The following LRRFIP2 variants were observed in gnomAD, a reference collection of about 807,000 sequenced individuals.
The protein encoded by LRRFIP2 is LRR binding FLII interacting protein 2.
LRRFIP2 carries 109 observed loss-of-function variants against 125.9 expected under a neutral mutation model. The observed-to-expected ratio is 0.87, with a 90% confidence interval of 0.74 to 1.01. The LOEUF is 1.01. Ranked by LOEUF, LRRFIP2 falls within the 50% of genes least tolerant of loss-of-function variation. The pLI, the probability that LRRFIP2 is intolerant of heterozygous loss-of-function variation, is 0.00. For synonymous variants in LRRFIP2, 291 were observed against 293.1 expected (o/e 0.99, Z 0.07); for missense variants, 850 against 862.3 (o/e 0.99, Z 0.18).
At chr3:37,138,530 T>C (rs1409746689) in intron 2 of LRRFIP2, among the ~76,000 whole-genome samples, 1 of 152,210 alleles carries the variant, frequency 6.6e-6, no homozygotes, top group Non-Finnish European at 1.5e-5. Flanking sequence ...CTTCAGGATG[T>C]AGGTACTTTA....
chr3:37,121,696 G>C lies in LRRFIP2; in HGVS notation c.229-5C>G. ...CCTGGCCCTTTCCGAATCTTCCTGG[G>C]AAAGGAGAAAGTACATGGAGAGTTA... On this transcript the variant is annotated splice_region_variant and splice_polypyrimidine_tract_variant and intron_variant, in intron 4 of 27. Coordinates refer to ENST00000336686, the MANE Select transcript of LRRFIP2 (RefSeq NM_006309.4). 1 of 1,613,850 alleles carries C rather than the reference G, an allele frequency of 6.2e-7. No homozygotes were observed. Among genetic ancestry groups the C allele is most frequent in the Non-Finnish European group, 8.5e-7 (1 of 1,179,794 alleles).
intron 2 of LRRFIP2, among the ~76,000 whole-genome samples, chr3:37,133,492 T>C (rs1015117042): frequency 1.3e-5 from 2 of 152,218 alleles, no homozygotes; most frequent in African/African-American, 4.8e-5. Flanking sequence ...TGATACATGC[T>C]GCAACATGGA....
chr3:37,165,351 C>T (rs1027095234), intron 1 of LRRFIP2, among the ~76,000 whole-genome samples: 1 of 151,378 alleles, frequency 6.6e-6, no homozygotes, highest in East Asian at 1.9e-4. Flanking sequence ...GGTTTCATCC[C>T]GAAACCAACC....
intron 2 of LRRFIP2, among the ~76,000 whole-genome samples, chr3:37,147,029 A>T (rs2095872951): frequency 6.6e-6 from 1 of 152,086 alleles, no homozygotes; most frequent in Admixed American, 6.5e-5. Flanking sequence ...GAAAAAAAAA[A>T]CTCCATTAAA....
chr3:37,170,180 CA>C (rs1342238794), intron 1 of LRRFIP2, among the ~76,000 whole-genome samples: 1 of 151,922 alleles, frequency 6.6e-6, no homozygotes, highest in Non-Finnish European at 1.5e-5. Context: ...TAATCTAAAG[CA>C]AAAAAGTGGG....
At chr3:37,106,647 A>G (rs2094338659) in intron 13 of LRRFIP2, among the ~76,000 whole-genome samples, 1 of 152,062 alleles carries the variant, frequency 6.6e-6, no homozygotes, top group Admixed American at 6.5e-5. Context: ...CTCTCTAAAT[A>G]AAAATTAAAA....
chr3:37,085,570 C>A (rs2092981703), intron 18 of LRRFIP2, among the ~76,000 whole-genome samples: 1 of 145,816 alleles, frequency 6.9e-6, no homozygotes, highest in Non-Finnish European at 1.5e-5. Flanking sequence ...AAAAAGACTT[C>A]ACTCAAATAT....
intron 4 of LRRFIP2, among the ~76,000 whole-genome samples, chr3:37,127,235 GT>G (rs2095306625): frequency 6.6e-6 from 1 of 152,084 alleles, no homozygotes. Flanking sequence ...ACCTGAAGGA[GT>G]TGATATAATA....
rs1181699690 is a variant in LRRFIP2, at chr3:37,075,057, T to C, written c.1338A>G (p.Lys446=). The C allele has an allele frequency of 1.2e-6, 2 of 1,612,854 alleles. No individual in the cohort carries two copies. Among genetic ancestry groups the C allele is most frequent in the African/African-American group, 2.7e-5 (2 of 74,900 alleles). Residue 446 remains lysine (K), a synonymous_variant, in exon 20 of 28, where the codon AAA becomes AAG. Transcript: ENST00000336686. ...SVLQHKMEEL[K]EGLRQRDELI... is the part of the protein sequence containing the mutation. ...GCTCATCTCTTTGCCGCAGGCCTTC[T>C]TTAAGTTCTTCCATCTTATGCTGCA...
chr3:37,152,684 C>G (rs2096067120), intron 1 of LRRFIP2, among the ~76,000 whole-genome samples: 1 of 152,136 alleles, frequency 6.6e-6, no homozygotes, highest in Admixed American at 6.5e-5. Context: ...CTCAGGTGAT[C>G]CGCCCGCCTC....
intron 2 of LRRFIP2, among the ~76,000 whole-genome samples, chr3:37,138,761 T>C (rs1553784200): frequency 1.3e-5 from 2 of 152,184 alleles, no homozygotes; most frequent in African/African-American, 2.4e-5. Context: ...CTAACACAGA[T>C]TTTTCTTTTC....
intron 18 of LRRFIP2, among the ~76,000 whole-genome samples, chr3:37,084,474 C>T (rs1247249938): frequency 1.3e-5 from 2 of 151,652 alleles, no homozygotes; most frequent in East Asian, 1.9e-4. Flanking sequence ...CAAGCCTGGG[C>T]AACATGACAA....
At chr3:37,138,003 T>G (rs2095600900) in intron 2 of LRRFIP2, among the ~76,000 whole-genome samples, 3 of 152,218 alleles carry the variant, frequency 2.0e-5, no homozygotes, top group Non-Finnish European at 4.4e-5. Context: ...TCTTTGTACT[T>G]TCACTTATAA....
intron 1 of LRRFIP2, among the ~76,000 whole-genome samples, chr3:37,150,411 G>A (rs1194524071): frequency 1.3e-5 from 2 of 151,910 alleles, no homozygotes; most frequent in African/African-American, 2.4e-5. Flanking sequence ...TCAGTGAGCC[G>A]AGGTTGCACC....
intron 25 of LRRFIP2, 67 bp from the exon 26 acceptor site, chr3:37,055,232 T>C: frequency 1.1e-6 from 1 of 936,514 alleles, no homozygotes. Flanking sequence ...CATCAGGCAG[T>C]ACCTCTGTGG....
intron 23 of LRRFIP2, chr3:37,065,118 A>T (rs76553940): frequency 0.012 from 1,611 of 135,148 alleles, 23 homozygotes; most frequent in African/African-American, 0.033. Context: ...GTTTTTTTTT[A>T]AAATAAAAGT....
intron 7 of LRRFIP2, among the ~76,000 whole-genome samples, 176 bp downstream of exon 7, chr3:37,114,878 A>C (rs144229775): frequency 1.9e-3 from 282 of 152,294 alleles, no homozygotes; most frequent in African/African-American, 6.4e-3. Context: ...ATCCTAAAGA[A>C]AAAAATTACT....
chr3:37,095,047 T>C, intron 16 of LRRFIP2, 139 bp from the exon 17 acceptor site: 1 of 637,114 alleles, frequency 1.6e-6, no homozygotes, highest in Admixed American at 2.5e-5. Flanking sequence ...CAATGGTCAA[T>C]TTAGATTGGC....
intron 16 of LRRFIP2, among the ~76,000 whole-genome samples, chr3:37,096,266 T>G (rs1014297159): frequency 3.3e-5 from 5 of 152,130 alleles, no homozygotes; most frequent in Admixed American, 2.0e-4. Context: ...AATTTATATA[T>G]ATAAAAGGAA....
Sources: gnomAD v4.1 joint callset for allele counts (sites outside exome capture counted in the v4.1 genomes callset) on GRCh38, gnomAD v4.1.1 for gene constraint, MANE v1.5 for transcripts, NCBI Gene and HGNC (gene_info 2026-07-23, HGNC 2026-07-21) for gene names.